Variants in EYS observed in about 807,000 individuals in gnomAD.
EYS encodes the protein EGF-like photoreceptor maintenance factor, also known as protein eyes shut homolog.
In EYS, 250 loss-of-function variants were observed where a neutral mutation model predicts 282.1. The observed-to-expected ratio is 0.89, with a 90% CI of 0.80 to 0.98. EYS has a LOEUF of 0.98. EYS is among the 50% of genes least tolerant of loss of function. The pLI, the probability that EYS is intolerant of heterozygous loss-of-function variation, is 0.00. For synonymous variants in EYS, 1,355 were observed against 1,282.9 expected (o/e 1.06, Z -1.20); for missense variants, 4,016 against 3,709.0 (o/e 1.08, Z -2.15).
intron 26 of EYS, among the ~76,000 whole-genome samples, chr6:64,551,254 A>G (rs1459070933): frequency 6.6e-6 from 1 of 150,566 alleles, no homozygotes. Flanking sequence ...AAGTTTATTT[A>G]AATTTATCTG....
chr6:64,338,704 G>T (rs1429699351), intron 29 of EYS, among the ~76,000 whole-genome samples: 1 of 151,902 alleles, frequency 6.6e-6, no homozygotes, highest in East Asian at 1.9e-4. Context: ...TAACAACTCT[G>T]GAAGCATCAT....
intron 29 of EYS, among the ~76,000 whole-genome samples, chr6:64,377,042 A>C (rs1772582868): frequency 6.6e-6 from 1 of 152,110 alleles, no homozygotes; most frequent in Non-Finnish European, 1.5e-5. Flanking sequence ...TCCCCAACAC[A>C]GAATAATGCC....
At chr6:65,133,309 A>G (rs998898672) in intron 12 of EYS, among the ~76,000 whole-genome samples, 1 of 151,930 alleles carries the variant, frequency 6.6e-6, no homozygotes, top group Non-Finnish European at 1.5e-5. Flanking sequence ...ACAACAAAAA[A>G]CACCAAACAA....
chr6:64,943,057 A>G (rs1004388341), intron 15 of EYS, among the ~76,000 whole-genome samples: 3 of 152,084 alleles, frequency 2.0e-5, no homozygotes, highest in Non-Finnish European at 4.4e-5. Flanking sequence ...TGTTTCACCA[A>G]ACACAAATCA....
intron 13 of EYS, among the ~76,000 whole-genome samples, chr6:65,002,445 A>G (rs1197658406): frequency 1.4e-5 from 2 of 147,716 alleles, no homozygotes; most frequent in Non-Finnish European, 3.0e-5. Context: ...TGATATTAGT[A>G]TCTATACAGA....
At chr6:63,799,884 G>A (rs1770742203) in intron 37 of EYS, among the ~76,000 whole-genome samples, 2 of 152,206 alleles carry the variant, frequency 1.3e-5, no homozygotes, top group Non-Finnish European at 2.9e-5. Flanking sequence ...AGAGGACTAG[G>A]GCAGGAATTC....
chr6:64,004,290 T>G (rs1256215122), intron 33 of EYS, among the ~76,000 whole-genome samples: 1 of 152,118 alleles, frequency 6.6e-6, no homozygotes, highest in African/African-American at 2.4e-5. Context: ...TGAATATATT[T>G]CTTTTTTGTG....
chr6:65,597,653 A>G (rs1015376434), intron 2 of EYS, among the ~76,000 whole-genome samples: 12 of 152,128 alleles, frequency 7.9e-5, no homozygotes, highest in Non-Finnish European at 1.8e-4. Context: ...GGCTTCTATA[A>G]CAGCACACAG....
chr6:64,635,248 A>G (rs916279007), intron 22 of EYS, among the ~76,000 whole-genome samples: 8 of 152,166 alleles, frequency 5.3e-5, no homozygotes, highest in Non-Finnish European at 4.4e-5. Context: ...TTTTCCAGAT[A>G]CACAATCATG....
At chr6:63,907,347 A>G (rs554331625) in intron 35 of EYS, among the ~76,000 whole-genome samples, 5 of 152,228 alleles carry the variant, frequency 3.3e-5, no homozygotes, top group African/African-American at 1.2e-4. Context: ...GTGTAGACAC[A>G]TGGCTGTGGG....
intron 16 of EYS, among the ~76,000 whole-genome samples, chr6:64,902,745 A>G (rs1389155138): frequency 1.3e-5 from 2 of 152,132 alleles, no homozygotes; most frequent in African/African-American, 4.8e-5. Context: ...ATCCCCTGAG[A>G]AGGTAGAGAT....
At chr6:65,275,575 G>T (rs1768023023) in intron 12 of EYS, among the ~76,000 whole-genome samples, 1 of 152,164 alleles carries the variant, frequency 6.6e-6, no homozygotes, top group Non-Finnish European at 1.5e-5. Flanking sequence ...GAAAAGGAAA[G>T]AAGACTTAGG....
At chr6:63,903,817 G>A (rs897928236) in intron 35 of EYS, among the ~76,000 whole-genome samples, 2 of 152,142 alleles carry the variant, frequency 1.3e-5, no homozygotes, top group African/African-American at 4.8e-5. Context: ...TAGCTATCAG[G>A]TGAGGCAGAT....
chr6:63,880,516 T>TA (rs1773104757), intron 35 of EYS, among the ~76,000 whole-genome samples: 1 of 152,114 alleles, frequency 6.6e-6, no homozygotes, highest in Non-Finnish European at 1.5e-5. Flanking sequence ...TCTATCTATC[T>TA]ATCTATCTAT....
At chr6:65,166,068 T>C (rs1764964603) in intron 12 of EYS, among the ~76,000 whole-genome samples, 1 of 151,078 alleles carries the variant, frequency 6.6e-6, no homozygotes, top group Admixed American at 6.6e-5. Context: ...AACTACAAAC[T>C]TCACTGAAAA....
At chr6:63,946,504 A>T (rs11752393) in intron 35 of EYS, among the ~76,000 whole-genome samples, 8,254 of 152,142 alleles carry the variant, frequency 0.054, 289 homozygotes, top group South Asian at 0.14. Context: ...TTCACTTTTC[A>T]TTAAGTTCTC....
At chr6:64,340,279 A>C (rs1771050378) in intron 29 of EYS, among the ~76,000 whole-genome samples, 1 of 151,838 alleles carries the variant, frequency 6.6e-6, no homozygotes, top group Non-Finnish European at 1.5e-5. Flanking sequence ...TTCTAAGCAA[A>C]AAAATGAAGC....
At chr6:64,284,014 T>C (rs996829367) in intron 30 of EYS, among the ~76,000 whole-genome samples, 3 of 152,088 alleles carry the variant, frequency 2.0e-5, no homozygotes, top group Non-Finnish European at 2.9e-5. Flanking sequence ...AACCATATCA[T>C]TCCACCCCTG....
chr6:63,725,816 T>A (rs182294301), intron 42 of EYS, among the ~76,000 whole-genome samples: 2 of 152,222 alleles, frequency 1.3e-5, no homozygotes, highest in Admixed American at 1.3e-4. Flanking sequence ...CAAATGTAAT[T>A]ATTTCTCAAT....
Sources: gnomAD v4.1 joint callset for allele counts (sites outside exome capture counted in the v4.1 genomes callset) on GRCh38, gnomAD v4.1.1 for gene constraint, MANE v1.5 for transcripts, NCBI Gene and HGNC (gene_info 2026-07-23, HGNC 2026-07-21) for gene names.